The following RNF17 variants were observed in gnomAD, a reference collection of about 807,000 sequenced individuals.
RNF17 encodes the protein ring finger protein 17, also known as spermatogenesis associated 23.
RNF17 carries 31 observed loss-of-function variants against 200.5 expected under a neutral mutation model. The ratio of observed to expected loss-of-function variants is 0.15; its 90% CI spans 0.12 to 0.21. The LOEUF (loss-of-function observed/expected upper bound fraction) is 0.21. RNF17 is among the 10% of genes least tolerant of loss of function. The pLI is 1.00. For missense variants in RNF17, 1,628 were observed against 1,905.1 expected (o/e 0.85, Z 2.71); for synonymous variants, 606 against 637.8 (o/e 0.95, Z 0.75).
chr13:24,764,370 C>G, intron 1 of RNF17, 37 bp downstream of exon 1: 4 of 1,538,560 alleles, frequency 2.6e-6, no homozygotes, highest in Non-Finnish European at 3.5e-6. Flanking sequence ...GGGGAGGCAG[C>G]CTGGAGGGAG....
the RNF17 span, among the ~76,000 whole-genome samples, chr13:24,749,747 T>G: frequency 6.6e-6 from 1 of 152,108 alleles, no homozygotes; most frequent in East Asian, 1.9e-4. Context: ...TTTTTTGTTT[T>G]GTTTTGTTTC....
chr13:24,882,568 T>TC (rs1953891527), downstream of RNF17: 1 of 153,338 alleles, frequency 6.5e-6, no homozygotes, highest in African/African-American at 2.4e-5. Flanking sequence ...CTCTCAAGTA[T>TC]CCCATTTTGA....
chr13:24,827,727 A>AAAAAAAAAAC (rs1566188607), intron 16 of RNF17, among the ~76,000 whole-genome samples: 1 of 148,042 alleles, frequency 6.8e-6, no homozygotes, highest in African/African-American at 2.5e-5. Context: ...ACAAAAAAAA[A>AAAAAAAAAAC]AAAACAATAG....
chr13:24,849,935 CACTAT>C (rs1454229627), intron 22 of RNF17, among the ~76,000 whole-genome samples: 1 of 152,102 alleles, frequency 6.6e-6, no homozygotes, highest in East Asian at 1.9e-4. Context: ...TGTGACAGGG[CACTAT>C]ACTAGTCATC....
chr13:24,761,044 A>G (rs2137825191), upstream of RNF17, among the ~76,000 whole-genome samples: 1 of 152,362 alleles, frequency 6.6e-6, no homozygotes, highest in Non-Finnish European at 1.5e-5. Context: ...TAGTACAGCC[A>G]TTATGGGAAA....
At chr13:24,883,084 A>ACAT (rs1212546672), downstream of RNF17, 1 of 1,127,536 alleles carries the variant, frequency 8.9e-7, no homozygotes, top group African/African-American at 1.5e-5. Context: ...TTTTCCCCAC[A>ACAT]CATACACAAT....
rs774243615 is a variant in RNF17 at position 24,850,440 on chromosome 13, T to A, written c.3201T>A (p.Ser1067Arg). The change falls in exon 23 of 36, where the codon AGT (serine) becomes AGA (arginine). Residue 1067 changes from serine (S) to arginine (R), a missense_variant. By Grantham distance (110) the Ser-to-Arg change is moderately radical. Around this residue, in one of 5 missense-constraint regions of RNF17, gnomAD observed 609 missense variants for 681.9 expected, o/e 0.89. Coordinates refer to ENST00000255324, the MANE Select transcript of RNF17 (RefSeq NM_031277.3). ...AVATIILQVD[S>R]EENNTTWPLP... ...CAACTATAATCTTACAGGTGGATAG[T>A]GAGGTAACAAGTTACAAGAGATATG... is the stretch of plus-strand genomic sequence containing the variant. 6.3e-7 allele frequency: 1 copy of A among 1,591,976 alleles called. No individual in the cohort carries two copies. Among genetic ancestry groups the A allele is most frequent in the Non-Finnish European group, 8.6e-7 (1 of 1,160,892 alleles).
chr13:24,798,839 A>T (rs7991614), intron 11 of RNF17, among the ~76,000 whole-genome samples: 95,348 of 151,854 alleles, frequency 0.63, 30,322 homozygotes, highest in African/African-American at 0.73. Flanking sequence ...CTTCCTCTAC[A>T]GCTAAGTCTT....
At position 24,774,914 on chromosome 13, in the gene RNF17, A is replaced by C; in HGVS notation, c.317+10A>C. ...AACTGCAGCCTAAGACGTATGTTCC[A>C]TGTGTACTTATTTGAGTATTTAAAG... On this transcript the variant is annotated intron_variant, in intron 3 of 35. Coordinates refer to ENST00000255324, the MANE Select transcript of RNF17 (RefSeq NM_031277.3). 1 of 1,502,396 alleles carries C rather than the reference A, an allele frequency of 6.7e-7. No homozygotes were observed. Among genetic ancestry groups the C allele is most frequent in the African/African-American group, 1.4e-5 (1 of 72,402 alleles). 93.1% of individuals were successfully genotyped at this position (1,502,396 alleles called of 1,614,324 possible). A position where few individuals can be genotyped will look rare whatever the true frequency, so the allele number is the denominator to read the frequency against.
At chr13:24,830,409 G>A (rs1889257638) in intron 16 of RNF17, 75 bp from the exon 17 acceptor site, 1 of 804,716 alleles carries the variant, frequency 1.2e-6, no homozygotes. Flanking sequence ...AATCTAGTTG[G>A]CCATAAACCA....
the RNF17 span, among the ~76,000 whole-genome samples, chr13:24,756,345 TACTC>T: frequency 3.3e-5 from 5 of 152,330 alleles, no homozygotes; most frequent in African/African-American, 1.2e-4. Context: ...TAGAAGAAAT[TACTC>T]ACATATTGTC....
chr13:24,887,612 C>A, the RNF17 span, among the ~76,000 whole-genome samples: 1 of 152,146 alleles, frequency 6.6e-6, no homozygotes, highest in African/African-American at 2.4e-5. Flanking sequence ...AAGCTCAGGG[C>A]TCCCCCTGAT....
chr13:24,796,325 T>A, intron 11 of RNF17, 30 bp downstream of exon 11: 2 of 1,470,358 alleles, frequency 1.4e-6, no homozygotes, highest in Non-Finnish European at 1.8e-6. Context: ...AGTTAAAATA[T>A]CAAATTTATT....
the RNF17 span, chr13:24,751,738 A>T: frequency 1.3e-5 from 2 of 152,116 alleles, no homozygotes; most frequent in African/African-American, 4.8e-5. Context: ...TCAAACTTGC[A>T]TTCTTTGATG....
chr13:24,809,140 C>T (rs1415775187), intron 15 of RNF17, among the ~76,000 whole-genome samples: 1 of 150,406 alleles, frequency 6.6e-6, no homozygotes, highest in Non-Finnish European at 1.5e-5. Flanking sequence ...GCTTTGGTAT[C>T]AGGATGATGC....
At chr13:24,776,884 A>G (rs1440460373) in intron 3 of RNF17, among the ~76,000 whole-genome samples, 1 of 152,224 alleles carries the variant, frequency 6.6e-6, no homozygotes, top group East Asian at 1.9e-4. Context: ...TTTCTGACAC[A>G]TGATGCCAGT....
At chr13:24,865,360 A>G (rs1893506579) in intron 29 of RNF17, among the ~76,000 whole-genome samples, 1 of 152,202 alleles carries the variant, frequency 6.6e-6, no homozygotes, top group African/African-American at 2.4e-5. Context: ...TTTACTTGAC[A>G]CAAAAGCCGT....
chr13:24,784,407 TGAG>T (rs1285501512), intron 6 of RNF17, among the ~76,000 whole-genome samples: 1 of 152,192 alleles, frequency 6.6e-6, no homozygotes, highest in Non-Finnish European at 1.5e-5. Context: ...TGGAAGAGTT[TGAG>T]GAGGATTGGT....
chr13:24,815,944 G>T (rs1887354112), intron 15 of RNF17, among the ~76,000 whole-genome samples: 1 of 152,152 alleles, frequency 6.6e-6, no homozygotes, highest in African/African-American at 2.4e-5. Context: ...GCCCAGGCTG[G>T]AATGCAGTAG....
Sources: gnomAD v4.1 joint callset for allele counts (sites outside exome capture counted in the v4.1 genomes callset) on GRCh38, gnomAD v4.1.1 for gene constraint, gnomAD v4.1.1 regional missense constraint, MANE v1.5 for transcripts, NCBI Gene and HGNC (gene_info 2026-07-23, HGNC 2026-07-21) for gene names.